The following RP1L1 variants were observed in gnomAD, a reference collection of about 807,000 sequenced individuals.
RP1L1 encodes RP1 like 1.
RP1L1 carries 27 observed loss-of-function variants against 15.7 expected under a neutral mutation model. The ratio of observed to expected loss-of-function variants is 1.72; its 90% CI spans 1.27 to 2.38. The LOEUF is 2.38. Among genes scored for constraint, RP1L1 ranks in the 30% most tolerant of loss-of-function variants. RP1L1 has a pLI of 0.00. For missense variants in RP1L1, 4,798 were observed against 3,075.9 expected, an observed-to-expected ratio of 1.56 and a Z score of -13.24; for synonymous variants, 1,813 against 1,276.7, an observed-to-expected ratio of 1.42 and a Z score of -8.96.
chr8:10,651,374 T>C (rs1798557826), intron 1 of RP1L1, among the ~76,000 whole-genome samples: 1 of 152,182 alleles, frequency 6.6e-6, no homozygotes, highest in African/African-American at 2.4e-5. Context: ...GGGGCCTTGG[T>C]CAAGGACCAA....
intron 1 of RP1L1, among the ~76,000 whole-genome samples, chr8:10,638,440 T>G (rs974155719): frequency 1.3e-5 from 2 of 152,258 alleles, no homozygotes; most frequent in African/African-American, 4.8e-5. Context: ...CCCTTGACTA[T>G]TTTTTATCCC....
intron 1 of RP1L1, among the ~76,000 whole-genome samples, chr8:10,647,392 G>A (rs569473391): frequency 6.6e-6 from 1 of 152,208 alleles, no homozygotes; most frequent in Non-Finnish European, 1.5e-5. Context: ...CAGCCCAGTG[G>A]CATCAAGCAC....
chr8:10,628,486 A>G (rs953950188), intron 1 of RP1L1, among the ~76,000 whole-genome samples: 2 of 152,120 alleles, frequency 1.3e-5, no homozygotes, highest in Non-Finnish European at 2.9e-5. Context: ...CTCCACCCCC[A>G]GCCCCAGAGA....
chr8:10,645,662 G>C (rs1197697032), intron 1 of RP1L1, among the ~76,000 whole-genome samples: 1 of 152,164 alleles, frequency 6.6e-6, no homozygotes, highest in African/African-American at 2.4e-5. Flanking sequence ...AAGCCCTCTG[G>C]GAAGGGAAGG....
At chr8:10,636,881 C>A (rs935617411) in intron 1 of RP1L1, among the ~76,000 whole-genome samples, 40 of 152,210 alleles carry the variant, frequency 2.6e-4, no homozygotes, top group African/African-American at 9.2e-4. Context: ...CTGGATGGAA[C>A]TGGAGTGACA....
At chr8:10,628,876 T>C (rs769439062) in intron 1 of RP1L1, among the ~76,000 whole-genome samples, 6 of 152,178 alleles carry the variant, frequency 3.9e-5, no homozygotes, top group Non-Finnish European at 5.9e-5. Context: ...ACACACTTGC[T>C]AATAGTCTCC....
intron 3 of RP1L1, among the ~76,000 whole-genome samples, chr8:10,614,632 G>C (rs1435975379): frequency 1.4e-5 from 2 of 139,044 alleles, no homozygotes; most frequent in East Asian, 2.3e-4. Flanking sequence ...CTGCACTCCA[G>C]CCTGGGTGAC....
In RP1L1 at chr8:10,609,724, G is replaced by C; in HGVS notation, c.4374C>G (p.Ser1458Arg). ...TCTCGCTGGCACTTGGGTCCGTCTC[G>C]CTGAGATGACTAGGGGGCTCTGTGG... ...EEPTEPPSHL[S>R]ETDPSASERQ... Residue 1458 changes from serine (S) to arginine (R), a missense_variant, in exon 4 of 4, where the codon AGC becomes AGG. By Grantham distance (110) the Ser-to-Arg change is moderately radical. Coordinates refer to ENST00000382483, the MANE Select transcript of RP1L1 (RefSeq NM_178857.6). 2 of 1,613,296 alleles carry C rather than the reference G, an allele frequency of 1.2e-6. No individual in the cohort carries two copies. The highest frequency in any genetic ancestry group is 1.1e-5 in the South Asian group (1 of 91,064).
chr8:10,625,410 A>C (rs1424794157), intron 1 of RP1L1, among the ~76,000 whole-genome samples: 3 of 151,638 alleles, frequency 2.0e-5, no homozygotes, highest in Non-Finnish European at 2.9e-5. Context: ...GGGAGGAAAG[A>C]CACAGGGAAG....
rs1563122491 is a variant in RP1L1 at position 10,610,092 on chromosome 8, C to A, written c.4006G>T (p.Val1336Leu). ...KTEEGLQEEGVQLEETKETEG... is the reference protein window; with the variant it reads ...KTEEGLQEEGLQLEETKETEG... ...GTTTCTTTAGTTTCCTCTAACTGCA[C>A]CCCCTCTTCTTGCAGCCCTTCTTCT... The change falls in exon 4 of 4, where the codon GTG (valine) becomes TTG (leucine). Residue 1336 changes from valine to leucine, a missense_variant. Transcript: ENST00000382483. 6.1e-6 allele frequency: 9 copies of A among 1,486,666 alleles called. 1 individual carries two copies. Among genetic ancestry groups the A allele is most frequent in the East Asian group, 2.9e-5 (1 of 34,712 alleles). The allele number at this position is 1,486,666 out of a possible 1,614,324, so 92.1% of individuals were successfully genotyped here. A position where few individuals can be genotyped will look rare whatever the true frequency, so the allele number is the denominator to read the frequency against.
At position 10,613,027 on chromosome 8, in the gene RP1L1, G is replaced by A. The variant is rs201257393; in HGVS notation, c.1071C>T (p.Pro357=). Residue 357 remains proline (P), a synonymous_variant, in exon 4 of 4, where the codon CCC becomes CCT. Coordinates refer to ENST00000382483, the MANE Select transcript of RP1L1 (RefSeq NM_178857.6). ...SALTAASGED[P]VLGEVDPLCC... Reference sequence around the variant, plus strand: ...AGAGGGGGTCTACCTCCCCCAGAACGGGGTCTTCCCCACTGGCTGCCGTGA... The same window carrying A: ...AGAGGGGGTCTACCTCCCCCAGAACAGGGTCTTCCCCACTGGCTGCCGTGA... 83 of 1,613,416 alleles carry A rather than the reference G, an allele frequency of 5.1e-5. No homozygotes were observed. The highest frequency in any genetic ancestry group is 5.1e-4 in the African/African-American group (38 of 74,942).
Position 10,623,196 on chromosome 8 carries a change from G to C in RP1L1, c.6C>G (p.Asn2Lys). The C allele has an allele frequency of 6.4e-7, 1 of 1,557,796 alleles. No individual in the cohort carries two copies. Among genetic ancestry groups the C allele is most frequent in the Non-Finnish European group, 8.7e-7 (1 of 1,151,858 alleles). Reference sequence around the variant, plus strand: ...GGGCCTGGGCATTCCTGGGGGTGCTGTTCATGGTGTGGGGGCTCTGGCCGC... The same window carrying C: ...GGGCCTGGGCATTCCTGGGGGTGCTCTTCATGGTGTGGGGGCTCTGGCCGC... M[N>K]STPRNAQAPS... is the part of the protein sequence containing the mutation. Residue 2 changes from asparagine (N) to lysine (K), a missense_variant, in exon 2 of 4, where the codon AAC becomes AAG. Physicochemically the swap from Asn to Lys is moderately conservative, Grantham distance 94 (BLOSUM62 0). Transcript: ENST00000382483.
In RP1L1 at chr8:10,625,228, C is replaced by T. The variant is rs534495349; in HGVS notation, c.-19-2008G>A. ...AAAACATGCTGGGTGGGCGCCAGGCCGCGCCCAGAGAGAGAACACCCTACC... is the reference window on the plus strand; with the variant it reads ...AAAACATGCTGGGTGGGCGCCAGGCTGCGCCCAGAGAGAGAACACCCTACC... On this transcript the variant is annotated intron_variant, in intron 1 of 3. Coordinates refer to ENST00000382483, the MANE Select transcript of RP1L1 (RefSeq NM_178857.6). 6.6e-5 allele frequency among the ~76,000 whole-genome samples: 10 copies of T among 152,190 alleles called. No homozygotes were observed. The South Asian group carries it at 1.5e-3, about 22-fold the overall frequency.
rs141383633 is a variant in RP1L1, at chr8:10,636,588, C to T, written c.-19-13368G>A. ...GGACTCTCCTTCACAACGGCCTCCTCGGATGAAAGGCGTGGGGGCAACAGG... is the reference window on the plus strand; with the variant it reads ...GGACTCTCCTTCACAACGGCCTCCTTGGATGAAAGGCGTGGGGGCAACAGG... On this transcript the variant is annotated intron_variant, in intron 1 of 3. Transcript: ENST00000382483. 6.1e-3 allele frequency among the ~76,000 whole-genome samples: 923 copies of T among 152,272 alleles called. 9 individuals are homozygous for T. Among genetic ancestry groups the T allele is most frequent in the South Asian group, 0.039 (187 of 4,806 alleles).
At position 10,623,071 on chromosome 8, in the gene RP1L1, G is replaced by A. The variant is rs759368505; in HGVS notation, c.131C>T (p.Pro44Leu). ...GGCCAGGCGGACCCCAGCAAACCGTGGATCCCCTCGCTTGAGGAAGGTGAT... is the reference window on the plus strand; with the variant it reads ...GGCCAGGCGGACCCCAGCAAACCGTAGATCCCCTCGCTTGAGGAAGGTGAT... Reference protein sequence around the residue: ...KKITFLKRGDPRFAGVRLAVH... With the variant: ...KKITFLKRGDLRFAGVRLAVH... The change falls in exon 2 of 4, where the codon CCA becomes CTA. Residue 44 changes from proline (P) to leucine (L), a missense_variant. By Grantham distance (98) the Pro-to-Leu change is moderately conservative (BLOSUM62 -3). Coordinates refer to ENST00000382483, the MANE Select transcript of RP1L1 (RefSeq NM_178857.6). 5.6e-6 allele frequency: 9 copies of A among 1,614,080 alleles called. No homozygotes were observed. The highest frequency in any genetic ancestry group is 1.1e-5 in the South Asian group (1 of 91,074).
chr8:10,651,332 A>T (rs1798557202), intron 1 of RP1L1, among the ~76,000 whole-genome samples: 1 of 152,120 alleles, frequency 6.6e-6, no homozygotes, highest in Admixed American at 6.6e-5. Context: ...TCTCTCTCTG[A>T]TTTGTCTGAA....
chr8:10,613,435 C>A, intron 3 of RP1L1, 89 bp from the exon 4 acceptor site: 2 of 1,526,768 alleles, frequency 1.3e-6, no homozygotes, highest in Non-Finnish European at 1.8e-6. Context: ...CAGTCACGAG[C>A]CTCCCACGAC....
chr8:10,610,461 T>C lies in RP1L1; in HGVS notation c.3637A>G (p.Ser1213Gly), dbSNP rs1255553601. The C allele has an allele frequency of 1.2e-6, 2 of 1,613,612 alleles. No homozygotes were observed. The highest frequency in any genetic ancestry group is 1.6e-4 in the Middle Eastern group (1 of 6,084). The change falls in exon 4 of 4, where the codon AGT becomes GGT. Residue 1213 changes from serine to glycine, a missense_variant. Ser to Gly is a moderately conservative substitution (Grantham distance 56, BLOSUM62 0). Transcript: ENST00000382483. ...CCGTCCATGGCACAGGGTACGCTAC[T>C]CTCCCCTGAGCCTCCAGAGCCGCTG... The part of the protein sequence containing the change: ...ISSGSGGSGE[S>G]SVPCAMDGTL...
chr8:10,621,581 C>T, intron 2 of RP1L1: 1 of 400,680 alleles, frequency 2.5e-6, no homozygotes, highest in South Asian at 1.8e-5. Flanking sequence ...CTGCCTCAGC[C>T]TCCCAAAGTG....
Sources: allele counts gnomAD v4.1 joint callset (sites outside exome capture counted in the v4.1 genomes callset), GRCh38; gene constraint gnomAD v4.1.1; transcripts MANE v1.5; gene names NCBI Gene and HGNC (gene_info 2026-07-23, HGNC 2026-07-21).